CRB1: variants seen among roughly 807,000 people sequenced by gnomAD.
CRB1 encodes the protein crumbs cell polarity complex component 1.
CRB1 carries 83 observed loss-of-function variants against 120.0 expected under a neutral mutation model. The ratio of observed to expected loss-of-function variants is 0.69; its 90% CI spans 0.58 to 0.83. CRB1 has a LOEUF of 0.83. CRB1 is among the 40% of genes least tolerant of loss of function. The probability of loss-of-function intolerance (pLI) is 0.00; values close to 1 mark genes in which losing one functional copy is unlikely to be tolerated. For missense variants in CRB1, 1,699 were observed against 1,687.6 expected (o/e 1.01, Z -0.12); for synonymous variants, 625 against 612.5 (o/e 1.02, Z -0.30).
At chr1:197,294,448 A>G (rs1656391952) in intron 1 of CRB1, among the ~76,000 whole-genome samples, 1 of 152,182 alleles carries the variant, frequency 6.6e-6, no homozygotes, top group Non-Finnish European at 1.5e-5. Context: ...GAACACTTAC[A>G]CTGTTGGTGG....
At chr1:197,252,824 T>C in the CRB1 span, among the ~76,000 whole-genome samples, 1 of 151,288 alleles carries the variant, frequency 6.6e-6, no homozygotes, top group Admixed American at 6.6e-5. Flanking sequence ...GGCAGGAGAA[T>C]ATGGATGTCC....
chr1:197,416,716 A>T (rs1207073502), intron 5 of CRB1, among the ~76,000 whole-genome samples: 3 of 151,784 alleles, frequency 2.0e-5, no homozygotes, highest in Non-Finnish European at 4.4e-5. Context: ...TATTTTATTT[A>T]TTTATTATTT....
At chr1:197,424,121 T>G (rs1230998904) in intron 6 of CRB1, among the ~76,000 whole-genome samples, 2 of 152,150 alleles carry the variant, frequency 1.3e-5, no homozygotes, top group Admixed American at 6.5e-5. Context: ...GAATTATAGT[T>G]TCCTAGATAT....
rs183414982 is a variant in CRB1 at position 197,311,826 on chromosome 1, G to A, written c.71-16596G>A. On this transcript the variant is annotated intron_variant, in intron 1 of 11. Transcript: ENST00000367400. ...TAATATTATTTATATCTTTTAATGG[G>A]AAATTCCCCAATTACCAGTGCTTAT... Among the ~76,000 whole-genome samples, 1,179 of 151,752 alleles carry A rather than the reference G, an allele frequency of 7.8e-3. 6 individuals are homozygous for A. Among genetic ancestry groups the A allele is most frequent in the Non-Finnish European group, 0.012 (797 of 67,922 alleles).
At chr1:197,303,497 C>G (rs901582031) in intron 1 of CRB1, among the ~76,000 whole-genome samples, 2 of 151,434 alleles carry the variant, frequency 1.3e-5, no homozygotes, top group African/African-American at 4.9e-5. Flanking sequence ...ATAATTGTAC[C>G]ATCAGATGAC....
At chr1:197,269,107 T>G (rs1299142186) in intron 1 of CRB1, among the ~76,000 whole-genome samples, 1 of 152,212 alleles carries the variant, frequency 6.6e-6, no homozygotes, top group Non-Finnish European at 1.5e-5. Context: ...GTCGGTTCTA[T>G]AGCAGGATGG....
At chr1:197,305,531 A>G (rs1466185490) in intron 1 of CRB1, among the ~76,000 whole-genome samples, 1 of 151,774 alleles carries the variant, frequency 6.6e-6, no homozygotes, top group Admixed American at 6.6e-5. Flanking sequence ...AATATTATTT[A>G]TATATACATA....
chr1:197,386,760 G>A (rs1353388970), intron 5 of CRB1, among the ~76,000 whole-genome samples: 1 of 152,110 alleles, frequency 6.6e-6, no homozygotes, highest in East Asian at 1.9e-4. Context: ...CTATTATGTT[G>A]AGTGTTATTG....
intron 1 of CRB1, among the ~76,000 whole-genome samples, chr1:197,298,425 AAG>A (rs1656665596): frequency 6.6e-6 from 1 of 152,104 alleles, no homozygotes; most frequent in East Asian, 1.9e-4. Context: ...GACGATGAAA[AAG>A]TGGGGTAAGA....
chr1:197,364,175 A>G (rs1175050713), intron 5 of CRB1: 1 of 509,410 alleles, frequency 2.0e-6, no homozygotes, highest in African/African-American at 1.9e-5. Context: ...TTTTTTTTAT[A>G]CAATCCCATT....
chr1:197,355,744 C>T lies in CRB1; in HGVS notation c.989-1087C>T, dbSNP rs550606492. On this transcript the variant is annotated intron_variant, in intron 4 of 11. Transcript: ENST00000367400. ...GAACTCACGCAGCCCCGCAAGCGCCCGTGCAGCCTCGGTTCCCACACACAT... is the reference window on the plus strand; with the variant it reads ...GAACTCACGCAGCCCCGCAAGCGCCTGTGCAGCCTCGGTTCCCACACACAT... Among the ~76,000 whole-genome samples, 60 of 152,286 alleles carry T rather than the reference C, an allele frequency of 3.9e-4. 1 individual carries two copies. The highest frequency in any genetic ancestry group is 1.0e-3 in the South Asian group (5 of 4,824).
intron 5 of CRB1, among the ~76,000 whole-genome samples, chr1:197,405,799 G>A (rs1294721294): frequency 4.6e-5 from 7 of 151,652 alleles, no homozygotes; most frequent in East Asian, 2.0e-4. Context: ...CCCTCCGCCC[G>A]GTAGCTGCCC....
chr1:197,278,857 C>T (rs959186001), intron 1 of CRB1, among the ~76,000 whole-genome samples: 1 of 151,870 alleles, frequency 6.6e-6, no homozygotes, highest in Non-Finnish European at 1.5e-5. Flanking sequence ...CCACTGTTCT[C>T]CAGGCACGTA....
At chr1:197,461,856 C>T (rs1666546557) in intron 11 of CRB1, among the ~76,000 whole-genome samples, 2 of 152,062 alleles carry the variant, frequency 1.3e-5, no homozygotes, top group African/African-American at 2.4e-5. Flanking sequence ...AATTTGTCAG[C>T]TCAGTTCAAA....
chr1:197,427,123 C>T (rs753702012), intron 6 of CRB1, among the ~76,000 whole-genome samples: 39 of 152,104 alleles, frequency 2.6e-4, no homozygotes, highest in Non-Finnish European at 4.7e-4. Context: ...ACCATTAAGG[C>T]CCATATTTTA....
chr1:197,331,498 C>A (rs1233014125), intron 2 of CRB1, among the ~76,000 whole-genome samples: 1 of 152,210 alleles, frequency 6.6e-6, no homozygotes, highest in East Asian at 1.9e-4. Flanking sequence ...GTATGCCATA[C>A]TGAGGTGTCT....
intron 1 of CRB1, among the ~76,000 whole-genome samples, chr1:197,304,608 C>G (rs993486560): frequency 6.6e-6 from 1 of 152,222 alleles, no homozygotes; most frequent in Non-Finnish European, 1.5e-5. Flanking sequence ...CTACATTTCT[C>G]ACTTTCCTTG....
At chr1:197,451,383 C>T (rs980682833) in intron 11 of CRB1, among the ~76,000 whole-genome samples, 6 of 152,190 alleles carry the variant, frequency 3.9e-5, no homozygotes, top group Non-Finnish European at 7.4e-5. Context: ...AATAATTGGC[C>T]GAGATCACCT....
chr1:197,220,622 C>G, the CRB1 span, among the ~76,000 whole-genome samples: 5 of 152,150 alleles, frequency 3.3e-5, no homozygotes, highest in African/African-American at 1.2e-4. Context: ...AAAGTGGTAA[C>G]ACAGGAAGAA....
Sources: allele counts gnomAD v4.1 joint callset (sites outside exome capture counted in the v4.1 genomes callset), GRCh38; gene constraint gnomAD v4.1.1; transcripts MANE v1.5; gene names NCBI Gene and HGNC (gene_info 2026-07-23, HGNC 2026-07-21).